DPP6: variants seen among roughly 807,000 people sequenced by gnomAD.
DPP6 encodes the protein dipeptidyl peptidase like 6.
Under a neutral mutation model 122.6 loss-of-function variants are expected in DPP6, and 69 were observed. The ratio of observed to expected loss-of-function variants is 0.56; its 90% CI spans 0.46 to 0.69. DPP6 has a LOEUF of 0.69. Among genes scored for constraint, DPP6 ranks in the 30% least tolerant of loss-of-function variants. The pLI is 0.00. For missense variants in DPP6, 928 were observed against 1,116.9 expected, an observed-to-expected ratio of 0.83 and a Z score of 2.41; for synonymous variants, 418 against 433.1, an observed-to-expected ratio of 0.97 and a Z score of 0.43.
intron 16 of DPP6, among the ~76,000 whole-genome samples, chr7:154,852,655 A>C (rs1802505301): frequency 6.6e-6 from 1 of 152,242 alleles, no homozygotes; most frequent in Non-Finnish European, 1.5e-5. Context: ...AACAGCAGTG[A>C]ATCTGACACA....
intron 1 of DPP6, among the ~76,000 whole-genome samples, chr7:154,442,560 T>A (rs1444640287): frequency 6.6e-6 from 1 of 152,096 alleles, no homozygotes; most frequent in African/African-American, 2.4e-5. Flanking sequence ...TGGAAGGGAA[T>A]GACTTGCTCC....
At chr7:154,395,312 G>C (rs376119145) in intron 1 of DPP6, among the ~76,000 whole-genome samples, 12 of 152,156 alleles carry the variant, frequency 7.9e-5, no homozygotes, top group African/African-American at 2.7e-4. Flanking sequence ...ACAAATTTTG[G>C]GGGGAAACAA....
chr7:154,685,720 T>C (rs1055980714), intron 7 of DPP6, among the ~76,000 whole-genome samples: 1 of 152,248 alleles, frequency 6.6e-6, no homozygotes, highest in Non-Finnish European at 1.5e-5. Context: ...AAAAGGCAGC[T>C]GTACTTCCTT....
At chr7:154,850,384 TAG>T (rs1263605523) in intron 16 of DPP6, among the ~76,000 whole-genome samples, 1 of 152,202 alleles carries the variant, frequency 6.6e-6, no homozygotes, top group Non-Finnish European at 1.5e-5. Context: ...TCAGGCATAT[TAG>T]ACTGTAGTTG....
At chr7:154,014,921 T>C (rs999667627) in intron 1 of DPP6, among the ~76,000 whole-genome samples, 2 of 152,100 alleles carry the variant, frequency 1.3e-5, no homozygotes, top group Non-Finnish European at 2.9e-5. Flanking sequence ...TTGATAATGA[T>C]GGATACTTAT....
Position 154,892,898 on chromosome 7 carries a change from C to T in DPP6, c.*418C>T, listed in dbSNP as rs756394342. On this transcript the variant is annotated 3_prime_UTR_variant, in exon 26 of 26. Transcript: ENST00000377770. ...TCCCGTTAGGGACATCACACCCTGT[C>T]TCACGTCGCAGTGCCATGGACGCAG... is the stretch of plus-strand genomic sequence containing the variant. 1.9e-6 allele frequency: 1 copy of T among 526,210 alleles called. No individual in the cohort carries two copies. Among genetic ancestry groups the T allele is most frequent in the African/African-American group, 1.9e-5 (1 of 52,390 alleles). The allele number at this position is 526,210 out of a possible 1,614,324, so 32.6% of individuals were successfully genotyped here.
the DPP6 span, among the ~76,000 whole-genome samples, chr7:153,807,079 G>C: frequency 6.6e-6 from 1 of 151,684 alleles, no homozygotes. Flanking sequence ...GTAAAATTTA[G>C]AAAACTGAAA....
chr7:154,130,745 A>G (rs1795230350), intron 1 of DPP6, among the ~76,000 whole-genome samples: 1 of 152,008 alleles, frequency 6.6e-6, no homozygotes, highest in South Asian at 2.1e-4. Flanking sequence ...AGTGCAGTCA[A>G]CAGAATGAGC....
At chr7:153,826,854 G>GCA in the DPP6 span, among the ~76,000 whole-genome samples, 60,264 of 151,716 alleles carry the variant, frequency 0.4, 12,203 homozygotes, top group Middle Eastern at 0.46. Flanking sequence ...ATATATATAT[G>GCA]CACACACACA....
intron 18 of DPP6, 140 bp from the exon 19 acceptor site, chr7:154,872,483 AC>A (rs1167351982): frequency 1.5e-5 from 20 of 1,345,492 alleles, no homozygotes; most frequent in Non-Finnish European, 1.9e-5. Context: ...CAGGATGAAA[AC>A]CCTGGGCCAG....
rs369483205 is a variant in DPP6 at position 153,963,435 on chromosome 7, G to A, written c.51+75701G>A. On this transcript the variant is annotated intron_variant, in intron 1 of 25. Transcript: ENST00000404039. ...CCAGGTTGTCTCACTGGTATTTAGT[G>A]CTCCTAGGGTGGCTGGAAAAAGCAT... Among the ~76,000 whole-genome samples, 7 of 143,702 alleles carry A rather than the reference G, an allele frequency of 4.9e-5. 1 individual carries two copies. Among genetic ancestry groups the A allele is most frequent in the South Asian group, 4.5e-4 (2 of 4,398 alleles). The allele number at this position is 143,702 out of a possible 152,430, so 94.3% of individuals were successfully genotyped here. A position where few individuals can be genotyped will look rare whatever the true frequency, so the allele number is the denominator to read the frequency against.
chr7:154,836,281 C>G (rs1228337578), intron 16 of DPP6, among the ~76,000 whole-genome samples: 1 of 152,204 alleles, frequency 6.6e-6, no homozygotes, highest in Admixed American at 6.5e-5. Context: ...TGCATTTGGT[C>G]GACGTGTTTT....
intron 4 of DPP6, among the ~76,000 whole-genome samples, chr7:154,563,199 AAGAAAG>A (rs1320367445): frequency 1.3e-5 from 2 of 152,212 alleles, no homozygotes; most frequent in Non-Finnish European, 2.9e-5. Context: ...TTTCAGGCAG[AAGAAAG>A]AGGAGTTGCA....
At chr7:154,146,769 A>G (rs952342970) in intron 1 of DPP6, among the ~76,000 whole-genome samples, 12 of 152,210 alleles carry the variant, frequency 7.9e-5, no homozygotes, top group Non-Finnish European at 1.5e-4. Flanking sequence ...CTAACACACT[A>G]TAAAATACAG....
chr7:153,943,065 T>G (rs1801773027), intron 1 of DPP6, among the ~76,000 whole-genome samples: 1 of 152,204 alleles, frequency 6.6e-6, no homozygotes, highest in Admixed American at 6.5e-5. Context: ...TTTTTGACCG[T>G]TCTGATTTTG....
chr7:154,707,951 C>A (rs1840924698), intron 7 of DPP6, among the ~76,000 whole-genome samples: 1 of 152,154 alleles, frequency 6.6e-6, no homozygotes, highest in South Asian at 2.1e-4. Flanking sequence ...GGGACACAGC[C>A]AAACCATGTC....
intron 1 of DPP6, among the ~76,000 whole-genome samples, chr7:154,155,755 C>T (rs1326579793): frequency 6.6e-6 from 1 of 152,224 alleles, no homozygotes; most frequent in African/African-American, 2.4e-5. Context: ...TGTCCCTTCT[C>T]TCAGACGGCT....
At position 154,804,963 on chromosome 7, in the gene DPP6, A is replaced by C. The variant is rs1300276263; in HGVS notation, c.1546A>C (p.Ser516Arg). The change falls in exon 15 of 26, where the codon AGT (serine) becomes CGT (arginine). Residue 516 changes from serine to arginine, a missense_variant and splice_region_variant. Ser to Arg is a moderately radical substitution (Grantham distance 110). Coordinates refer to ENST00000377770, the MANE Select transcript of DPP6 (RefSeq NM_130797.4). ...EDLPRRRQLYSANTVGNFNRQ... is the reference protein window; with the variant it reads ...EDLPRRRQLYRANTVGNFNRQ... ...CCTGCCTCGGAGACGACAACTCTAC[A>C]GGTAACTCCTGCTCCCCCTGCACAC... is the stretch of plus-strand genomic sequence containing the variant. 28 of 1,597,102 alleles carry C rather than the reference A, an allele frequency of 1.8e-5. No individual in the cohort carries two copies. The highest frequency in any genetic ancestry group is 2.2e-5 in the Non-Finnish European group (26 of 1,171,398).
intron 1 of DPP6, among the ~76,000 whole-genome samples, chr7:153,919,744 C>G (rs1215937173): frequency 6.6e-6 from 1 of 152,152 alleles, no homozygotes; most frequent in Non-Finnish European, 1.5e-5. Flanking sequence ...AAAATGAAAG[C>G]TTCGGCCTCT....
Sources: allele counts gnomAD v4.1 joint callset (sites outside exome capture counted in the v4.1 genomes callset), GRCh38; gene constraint gnomAD v4.1.1; transcripts MANE v1.5; gene names NCBI Gene and HGNC (gene_info 2026-07-23, HGNC 2026-07-21).